The following N4BP2 variants were observed in gnomAD, a reference collection of about 807,000 sequenced individuals.
The protein encoded by N4BP2 is NEDD4 binding protein 2, also known as NEDD4-binding protein 2.
Under a neutral mutation model 152.8 loss-of-function variants are expected in N4BP2, and 91 were observed. The ratio of observed to expected loss-of-function variants is 0.60; its 90% CI spans 0.50 to 0.71. The LOEUF is 0.71. Among genes scored for constraint, N4BP2 ranks in the 30% least tolerant of loss-of-function variants. The pLI is 0.00. For synonymous variants in N4BP2, 646 were observed against 705.3 expected (o/e 0.92, Z 1.33); for missense variants, 1,923 against 2,059.1 (o/e 0.93, Z 1.28).
In N4BP2 at chr4:40,157,808, C is replaced by T. The variant is rs531213075; in HGVS notation, c.*3571C>T. 27 of 152,156 alleles carry T rather than the reference C, an allele frequency of 1.8e-4. No homozygotes were observed. The highest frequency in any genetic ancestry group is 6.5e-4 in the African/African-American group (27 of 41,516). 9.4% of individuals were successfully genotyped at this position (152,156 alleles called of 1,614,324 possible). ...TTATGTAGAATGTATGTTCATGGTG[C>T]TTATTTTTAAAATGTAATTCAAGTT... On this transcript the variant is annotated 3_prime_UTR_variant, in exon 18 of 18. Coordinates refer to ENST00000261435, the MANE Select transcript of N4BP2 (RefSeq NM_018177.6).
chr4:40,126,504 T>TAAAAAA (rs1458450798), intron 12 of N4BP2, among the ~76,000 whole-genome samples, 174 bp downstream of exon 12: 9 of 152,362 alleles, frequency 5.9e-5, no homozygotes, highest in African/African-American at 2.2e-4. Flanking sequence ...AGGTTTTTGC[T>TAAAAAA]TCAGGGAAAT....
At chr4:40,068,241 T>A (rs558401904) in intron 1 of N4BP2, among the ~76,000 whole-genome samples, 1 of 152,354 alleles carries the variant, frequency 6.6e-6, no homozygotes, top group African/African-American at 2.4e-5. Flanking sequence ...ATGTATGGTT[T>A]GCAAATATTT....
intron 7 of N4BP2, 142 bp from the exon 8 acceptor site, chr4:40,117,727 G>A (rs571536880): frequency 1.1e-5 from 6 of 527,516 alleles, no homozygotes; most frequent in Non-Finnish European, 1.8e-5. Context: ...GAATCAAATT[G>A]TATATATTGT....
At chr4:40,165,970 C>T in the N4BP2 span, among the ~76,000 whole-genome samples, 9 of 152,182 alleles carry the variant, frequency 5.9e-5, no homozygotes, top group African/African-American at 1.9e-4. Context: ...ATCTATCTCC[C>T]TTCCCATTTT....
intron 15 of N4BP2, among the ~76,000 whole-genome samples, chr4:40,143,914 TGGA>T (rs994572167): frequency 1.3e-5 from 2 of 151,686 alleles, no homozygotes; most frequent in Admixed American, 6.6e-5. Flanking sequence ...GTCATAGAGG[TGGA>T]GAAGTCCCAT....
chr4:40,170,310 G>T, the N4BP2 span, among the ~76,000 whole-genome samples: 2 of 152,112 alleles, frequency 1.3e-5, no homozygotes, highest in African/African-American at 4.8e-5. Flanking sequence ...GAATTAGGTA[G>T]TTGTCTAATA....
At position 40,063,122 on chromosome 4, in the gene N4BP2, GA is replaced by G. The variant is rs1733789828; in HGVS notation, c.-212+6098del. ...TACCAGGCCCTTTTATAGCCTGAATGAAAAAATCCTTTGATGTCTAATTTTT... is the reference window on the plus strand; with the variant it reads ...TACCAGGCCCTTTTATAGCCTGAATGAAAAATCCTTTGATGTCTAATTTTT... On this transcript the variant is annotated intron_variant, in intron 1 of 17. Coordinates refer to ENST00000261435, the MANE Select transcript of N4BP2 (RefSeq NM_018177.6). Among the ~76,000 whole-genome samples the G allele has an allele frequency of 2.0e-5, 3 of 152,220 alleles. No homozygotes were observed. In the South Asian group the frequency reaches 6.2e-4, roughly 32 times the overall value.
rs763644663 is a variant in N4BP2, at chr4:40,120,738, A to G, written c.2627A>G (p.Lys876Arg). 15 of 1,614,154 alleles carry G rather than the reference A, an allele frequency of 9.3e-6. No individual in the cohort carries two copies. The highest frequency in any genetic ancestry group is 8.5e-6 in the Non-Finnish European group (10 of 1,180,022). The change falls in exon 9 of 18, where the codon AAA becomes AGA. Residue 876 changes from lysine (K) to arginine (R), a missense_variant. By Grantham distance (26) the Lys-to-Arg change is conservative. Coordinates refer to ENST00000261435, the MANE Select transcript of N4BP2 (RefSeq NM_018177.6). The part of the protein sequence containing the change: ...YKYDAYKNID[K>R]NSFNIMGDWP... ...TATGATGCTTATAAAAATATTGACA[A>G]AAACTCATTCAACATTATGGGTGAC...
chr4:40,181,314 C>T, the N4BP2 span, among the ~76,000 whole-genome samples: 16 of 152,268 alleles, frequency 1.1e-4, no homozygotes, highest in African/African-American at 3.9e-4. Flanking sequence ...ACTTTCTGTT[C>T]GTTTCTTCCG....
At chr4:40,118,848 A>G (rs1430784824) in intron 8 of N4BP2, among the ~76,000 whole-genome samples, 2 of 152,262 alleles carry the variant, frequency 1.3e-5, no homozygotes, top group Non-Finnish European at 2.9e-5. Flanking sequence ...ACGAAGACAC[A>G]TAAACAATTG....
In N4BP2 at chr4:40,127,815, C is replaced by T. The variant is rs568228686; in HGVS notation, c.4527+1485C>T. Among the ~76,000 whole-genome samples the T allele has an allele frequency of 2.0e-4, 31 of 152,212 alleles. No homozygotes were observed. In the East Asian group the frequency reaches 2.5e-3, roughly 12 times the overall value. On this transcript the variant is annotated intron_variant, in intron 12 of 17. Coordinates refer to ENST00000261435, the MANE Select transcript of N4BP2 (RefSeq NM_018177.6). ...ATCTGGAACTACAGGTGCCTGCCAC[C>T]GCGCCCGGCTAATTTTTTGTATTTT... is the stretch of plus-strand genomic sequence containing the variant.
At chr4:40,172,909 G>A in the N4BP2 span, among the ~76,000 whole-genome samples, 1 of 152,138 alleles carries the variant, frequency 6.6e-6, no homozygotes, top group East Asian at 1.9e-4. Flanking sequence ...CAAAGGAATG[G>A]TTACATTGAA....
At chr4:40,171,083 A>C in the N4BP2 span, among the ~76,000 whole-genome samples, 5 of 152,212 alleles carry the variant, frequency 3.3e-5, no homozygotes, top group Non-Finnish European at 7.3e-5. Context: ...TGATTGTATC[A>C]GTTATATTGG....
At chr4:40,100,700 G>A (rs1579022310) in intron 3 of N4BP2, among the ~76,000 whole-genome samples, 2 of 152,130 alleles carry the variant, frequency 1.3e-5, no homozygotes, top group African/African-American at 4.8e-5. Context: ...CCCTATTTGT[G>A]TTATAACAGA....
chr4:40,142,325 G>A, intron 14 of N4BP2: 1 of 319,078 alleles, frequency 3.1e-6, no homozygotes, highest in Non-Finnish European at 6.2e-6. Context: ...GCGACGGCTG[G>A]AGTTGGGCTG....
the N4BP2 span, among the ~76,000 whole-genome samples, chr4:40,177,351 C>G: frequency 6.6e-6 from 1 of 152,128 alleles, no homozygotes; most frequent in Non-Finnish European, 1.5e-5. Context: ...CACGGTGGTT[C>G]ACGCCTGTAA....
chr4:40,058,425 G>A (rs956658303), intron 1 of N4BP2, among the ~76,000 whole-genome samples: 1 of 152,166 alleles, frequency 6.6e-6, no homozygotes, highest in East Asian at 1.9e-4. Flanking sequence ...GTGCTAGGAT[G>A]GGGGGTAGGA....
downstream of N4BP2, chr4:40,158,359 A>G (rs539802483): frequency 1.3e-5 from 2 of 152,300 alleles, no homozygotes; most frequent in South Asian, 4.1e-4. Flanking sequence ...AGTGTCATGA[A>G]AATTTTATTT....
At chr4:40,076,308 T>C (rs933437536) in intron 2 of N4BP2, among the ~76,000 whole-genome samples, 15 of 152,150 alleles carry the variant, frequency 9.9e-5, no homozygotes, top group African/African-American at 3.6e-4. Flanking sequence ...AAACTCTGTC[T>C]CTACTAAAAG....
Sources: gnomAD v4.1 joint callset for allele counts (sites outside exome capture counted in the v4.1 genomes callset) on GRCh38, gnomAD v4.1.1 for gene constraint, MANE v1.5 for transcripts, NCBI Gene and HGNC (gene_info 2026-07-23, HGNC 2026-07-21) for gene names.